The following DOCK7 variants were observed in gnomAD, a reference collection of about 807,000 sequenced individuals.
DOCK7 encodes the protein dedicator of cytokinesis protein 7.
A neutral mutation model predicts 271.0 loss-of-function variants in DOCK7; 138 were observed. The ratio of observed to expected loss-of-function variants is 0.51; its 90% confidence interval spans 0.44 to 0.59. The LOEUF is 0.59. DOCK7 is among the 20% of genes least tolerant of loss of function. DOCK7 has a pLI of 0.00. For missense variants in DOCK7, 2,066 were observed against 2,592.4 expected (o/e 0.80, Z 4.41); for synonymous variants, 823 against 876.1 (o/e 0.94, Z 1.07).
chr1:62,554,516 T>G (rs936516919), intron 21 of DOCK7, among the ~76,000 whole-genome samples: 2 of 150,474 alleles, frequency 1.3e-5, no homozygotes, highest in Non-Finnish European at 3.0e-5. Flanking sequence ...CCTCCCTTTT[T>G]GCCTGACTAA....
At chr1:62,683,887 A>G (rs1262664276) in intron 1 of DOCK7, among the ~76,000 whole-genome samples, 1 of 152,018 alleles carries the variant, frequency 6.6e-6, no homozygotes, top group Non-Finnish European at 1.5e-5. Context: ...AGACTGTACC[A>G]CTGCGCTCCA....
At chr1:62,638,992 T>A (rs751617658) in intron 7 of DOCK7, among the ~76,000 whole-genome samples, 15 of 152,140 alleles carry the variant, frequency 9.9e-5, no homozygotes, top group Non-Finnish European at 2.2e-4. Context: ...TGGCAAAATA[T>A]TTACATGTTT....
chr1:62,664,633 T>C (rs1315890629), intron 1 of DOCK7, among the ~76,000 whole-genome samples: 2 of 152,154 alleles, frequency 1.3e-5, no homozygotes, highest in East Asian at 3.9e-4. Flanking sequence ...CAATATTGGC[T>C]CATCAATTAT....
intron 18 of DOCK7, 52 bp downstream of exon 18, chr1:62,577,210 T>G: frequency 8.4e-7 from 1 of 1,189,894 alleles, no homozygotes; most frequent in Non-Finnish European, 1.1e-6. Flanking sequence ...ATCTTTATAG[T>G]AAAAAACCCA....
intron 14 of DOCK7, among the ~76,000 whole-genome samples, chr1:62,601,596 A>C (rs1650130610): frequency 6.6e-6 from 1 of 151,696 alleles, no homozygotes; most frequent in South Asian, 2.1e-4. Flanking sequence ...GTTTGGTAAG[A>C]TGATTCTTAC....
chr1:62,661,796 G>A (rs1658692969), intron 2 of DOCK7, among the ~76,000 whole-genome samples: 1 of 152,058 alleles, frequency 6.6e-6, no homozygotes, highest in Non-Finnish European at 1.5e-5. Flanking sequence ...ATGGGTTATA[G>A]TTATTCATAA....
At chr1:62,517,190 C>A (rs1644687121) in intron 31 of DOCK7, among the ~76,000 whole-genome samples, 1 of 152,200 alleles carries the variant, frequency 6.6e-6, no homozygotes, top group Non-Finnish European at 1.5e-5. Context: ...ACACACTCAC[C>A]CTTGCAGTCA....
At position 62,654,141 on chromosome 1, in the gene DOCK7, C is replaced by T. The variant is rs1230570786; in HGVS notation, c.163G>A (p.Val55Ile). 8 of 1,613,106 alleles carry T rather than the reference C, an allele frequency of 5.0e-6. No individual in the cohort carries two copies. The highest frequency in any genetic ancestry group is 2.7e-5 in the African/African-American group (2 of 74,880). ...TAATCTTCCAAATCCACTGGATCTACTGCTTCGGTAAGGGGCACCTTTGTA... is the reference window on the plus strand; with the variant it reads ...TAATCTTCCAAATCCACTGGATCTATTGCTTCGGTAAGGGGCACCTTTGTA... ...HHTTVPLTEA[V>I]DPVDLEDYLI... Residue 55 changes from valine (V) to isoleucine (I), a missense_variant, in exon 3 of 50, where the codon GTA (valine) becomes ATA (isoleucine). By Grantham distance (29) the Val-to-Ile change is conservative. This residue lies in a region of DOCK7 where 1,414 missense variants were observed against 1,670.4 expected (regional missense o/e 0.85). Coordinates refer to ENST00000635253, the MANE Select transcript of DOCK7 (RefSeq NM_001367561.1).
rs373435369 is a variant in DOCK7, at chr1:62,654,075, G to A, written c.229C>T (p.Arg77Trp). Residue 77 changes from arginine (R) to tryptophan (W), a missense_variant, in exon 3 of 50, where the codon CGG becomes TGG. Physicochemically the swap from Arg to Trp is moderately radical, Grantham distance 101. Around this residue, in one of 2 missense-constraint regions of DOCK7, gnomAD observed 1,414 missense variants for 1,670.4 expected, o/e 0.85. Coordinates refer to ENST00000635253, the MANE Select transcript of DOCK7 (RefSeq NM_001367561.1). ...HPLAVDSGPL[R>W]DLIEFPPDDI... is the part of the protein sequence containing the mutation. ...TCTGGAGGAAATTCAATCAAATCCCGTAAAGGCCCAGAATCCACAGCCAAA... is the reference window on the plus strand; with the variant it reads ...TCTGGAGGAAATTCAATCAAATCCCATAAAGGCCCAGAATCCACAGCCAAA... 3.3e-5 allele frequency: 54 copies of A among 1,613,692 alleles called. No individual in the cohort carries two copies. The highest frequency in any genetic ancestry group is 4.5e-5 in the Non-Finnish European group (53 of 1,179,896).
At chr1:62,667,120 T>C (rs1010665226) in intron 1 of DOCK7, among the ~76,000 whole-genome samples, 1 of 152,222 alleles carries the variant, frequency 6.6e-6, no homozygotes, top group Admixed American at 6.5e-5. Flanking sequence ...ATTTCCAGAA[T>C]GAACCAAGGG....
chr1:62,494,343 G>C lies in DOCK7; in HGVS notation c.5149C>G (p.Leu1717Val), dbSNP rs145420300. Residue 1717 changes from leucine (L) to valine (V), a missense_variant, in exon 40 of 50, where the codon CTT (leucine) becomes GTT (valine). By Grantham distance (32) the Leu-to-Val change is conservative. Transcript: ENST00000635253. Reference protein sequence around the residue: ...AAQCLVHSAALVAEYLSMLED... With the variant: ...AAQCLVHSAAVVAEYLSMLED... ...AGCATGCTCAAATATTCAGCAACAA[G>C]TGCTGCTGAGTGGACTAGACACTGT... 6 of 1,611,494 alleles carry C rather than the reference G, an allele frequency of 3.7e-6. No individual in the cohort carries two copies. The African/African-American group carries it at 8.0e-5, about 21-fold the overall frequency.
In DOCK7 at chr1:62,688,195, C is replaced by G. The variant is rs183409343; in HGVS notation, c.38+32G>C. ...GACTCCGCGGCTCTTTCTCGGGCGGCGGCGGCGGCGCGCCCCACGCCGGAT... is the reference window on the plus strand; with the variant it reads ...GACTCCGCGGCTCTTTCTCGGGCGGGGGCGGCGGCGCGCCCCACGCCGGAT... On this transcript the variant is annotated intron_variant, in intron 1 of 49. Coordinates refer to ENST00000635253, the MANE Select transcript of DOCK7 (RefSeq NM_001367561.1). 0.095 allele frequency: 128,807 copies of G among 1,361,210 alleles called. 6,792 individuals are homozygous for G. The highest frequency in any genetic ancestry group is 0.12 in the Admixed American group (4,382 of 35,740). The allele number at this position is 1,361,210 out of a possible 1,614,324, so 84.3% of individuals were successfully genotyped here. A position where few individuals can be genotyped will look rare whatever the true frequency, so the allele number is the denominator to read the frequency against.
chr1:62,500,568 A>G (rs1646752428), intron 37 of DOCK7, among the ~76,000 whole-genome samples: 1 of 152,212 alleles, frequency 6.6e-6, no homozygotes, highest in Admixed American at 6.5e-5. Context: ...GAGAAACTTA[A>G]CACAAATCAG....
intron 10 of DOCK7, among the ~76,000 whole-genome samples, chr1:62,632,188 G>A (rs1007194528): frequency 8.5e-5 from 13 of 152,100 alleles, no homozygotes; most frequent in Non-Finnish European, 1.8e-4. Flanking sequence ...AAGATGAAAC[G>A]ATAACTAAAT....
chr1:62,494,660 T>C, intron 39 of DOCK7, 193 bp from the exon 40 acceptor site: 1 of 330,970 alleles, frequency 3.0e-6, no homozygotes, highest in Non-Finnish European at 5.3e-6. Context: ...ATAATATCAG[T>C]TGGTGGGGGG....
chr1:62,617,729 C>T (rs1652629582), intron 14 of DOCK7, among the ~76,000 whole-genome samples: 1 of 151,342 alleles, frequency 6.6e-6, no homozygotes, highest in Non-Finnish European at 1.5e-5. Context: ...TTACCTGTTT[C>T]TTTTTTTTAA....
At chr1:62,583,517 T>C (rs562875470) in intron 15 of DOCK7, among the ~76,000 whole-genome samples, 1 of 152,336 alleles carries the variant, frequency 6.6e-6, no homozygotes, top group Non-Finnish European at 1.5e-5. Flanking sequence ...ATTAGATACA[T>C]TTCTTTCCTT....
rs377107345 is a variant in DOCK7 at position 62,504,676 on chromosome 1, C to T, written c.4718G>A (p.Ser1573Asn). ...CCTCATTAGTAGGTAAAGGGAGGCACTGGCGTGTGACCGTATTGTACCGAT... is the reference window on the plus strand; with the variant it reads ...CCTCATTAGTAGGTAAAGGGAGGCATTGGCGTGTGACCGTATTGTACCGAT... ...SSIGTIRSHASASLYLLMRQN... is the reference protein window; with the variant it reads ...SSIGTIRSHANASLYLLMRQN... The change falls in exon 37 of 50, where the codon AGT becomes AAT. Residue 1573 changes from serine to asparagine, a missense_variant. By Grantham distance (46) the Ser-to-Asn change is conservative. Coordinates refer to ENST00000635253, the MANE Select transcript of DOCK7 (RefSeq NM_001367561.1). 1 of 1,614,006 alleles carries T rather than the reference C, an allele frequency of 6.2e-7. No homozygotes were observed. The highest frequency in any genetic ancestry group is 1.3e-5 in the African/African-American group (1 of 75,040).
At chr1:62,578,738 A>AC (rs1553175653) in intron 17 of DOCK7, 90 bp downstream of exon 17, 29 of 1,055,986 alleles carry the variant, frequency 2.7e-5, no homozygotes, top group Non-Finnish European at 2.1e-5. Context: ...AAAAAAAAAA[A>AC]ACCCACAAAT....
Sources: gnomAD v4.1 joint callset for allele counts (sites outside exome capture counted in the v4.1 genomes callset) on GRCh38, gnomAD v4.1.1 for gene constraint, gnomAD v4.1.1 regional missense constraint, MANE v1.5 for transcripts, NCBI Gene and HGNC (gene_info 2026-07-23, HGNC 2026-07-21) for gene names.